The following ALDH9A1 variants were observed in gnomAD, a reference collection of about 807,000 sequenced individuals.
The protein encoded by ALDH9A1 is 4-trimethylaminobutyraldehyde dehydrogenase.
In ALDH9A1, 42 loss-of-function variants were observed where a neutral mutation model predicts 56.6. That is an observed-to-expected ratio of 0.74 (90% CI 0.58 to 0.96). The LOEUF is 0.96. Ranked by LOEUF, ALDH9A1 falls within the 40% of genes least tolerant of loss-of-function variation. The pLI is 0.00. For synonymous variants in ALDH9A1, 242 were observed against 236.0 expected, an observed-to-expected ratio of 1.03 and a Z score of -0.23; for missense variants, 661 against 651.5, an observed-to-expected ratio of 1.01 and a Z score of -0.16.
intron 2 of ALDH9A1, among the ~76,000 whole-genome samples, chr1:165,693,961 A>G (rs1431840324): frequency 3.9e-5 from 6 of 151,900 alleles, no homozygotes; most frequent in Non-Finnish European, 1.5e-5. Flanking sequence ...AAACTATCAC[A>G]AGGACAGAAA....
chr1:165,681,443 T>C (rs1472516558), intron 4 of ALDH9A1, among the ~76,000 whole-genome samples: 2 of 152,212 alleles, frequency 1.3e-5, no homozygotes, highest in Non-Finnish European at 2.9e-5. Flanking sequence ...TGACTATTTT[T>C]CCTCTTTCAC....
chr1:165,682,978 T>C lies in ALDH9A1; in HGVS notation c.457+3A>G, dbSNP rs543765703. 6 of 1,613,662 alleles carry C rather than the reference T, an allele frequency of 3.7e-6. No homozygotes were observed. The East Asian group carries it at 6.7e-5, about 18-fold the overall frequency. The stretch of plus-strand genomic sequence containing the variant: ...TGGTCACAGACACCAGGTGAGGACT[T>C]ACCAGCCATGGATGCAGCCAAGCCC... On this transcript the variant is annotated splice_donor_region_variant and intron_variant, in intron 3 of 10. Coordinates refer to ENST00000354775, the MANE Select transcript of ALDH9A1 (RefSeq NM_000696.4).
At chr1:165,681,961 T>C (rs1649564239) in intron 4 of ALDH9A1, 146 bp downstream of exon 4, 8 of 1,088,244 alleles carry the variant, frequency 7.4e-6, no homozygotes, top group South Asian at 3.3e-5. Flanking sequence ...GAACGAGCCA[T>C]GTCCTCTGAG....
Position 165,698,386 on chromosome 1 carries a change from G to GAGAAA in ALDH9A1, c.172_173insTTTCT (p.Pro58LeufsTer8). On this transcript the variant is annotated frameshift_variant, in exon 1 of 11. Coordinates refer to ENST00000354775, the MANE Select transcript of ALDH9A1 (RefSeq NM_000696.4). LOFTEE classifies it high-confidence loss of function. ...CGGCTCGTTGCAGTTACCGGTTGCTGGCTCGAAAGCTTTCTCGGTACCGGA... is the reference window on the plus strand; with the variant it reads ...CGGCTCGTTGCAGTTACCGGTTGCTGAGAAAGCTCGAAAGCTTTCTCGGTACCGGA... The GAGAAA allele has an allele frequency of 6.3e-7, 1 of 1,591,760 alleles. No individual in the cohort carries two copies. Among genetic ancestry groups the GAGAAA allele is most frequent in the Admixed American group, 1.8e-5 (1 of 54,362 alleles).
Position 165,663,046 on chromosome 1 carries a change from G to C in ALDH9A1, c.*4C>G, listed in dbSNP as rs757168543. ...GCCATGTCAATAGGTTTCACTGCAG[G>C]TTTTCAAAAAGCAGATTCCACATCA... On this transcript the variant is annotated 3_prime_UTR_variant, in exon 11 of 11. Coordinates refer to ENST00000354775, the MANE Select transcript of ALDH9A1 (RefSeq NM_000696.4). 16 of 1,613,502 alleles carry C rather than the reference G, an allele frequency of 9.9e-6. No homozygotes were observed. The highest frequency in any genetic ancestry group is 1.4e-5 in the Non-Finnish European group (16 of 1,179,508).
At position 165,671,637 on chromosome 1, in the gene ALDH9A1, G is replaced by A. The variant is rs118068732; in HGVS notation, c.931-2187C>T. ...TTCTGTCTGATTCTGATAGAGAGCCGGATTCACTGTTTGGCTCGATATTAT... is the reference window on the plus strand; with the variant it reads ...TTCTGTCTGATTCTGATAGAGAGCCAGATTCACTGTTTGGCTCGATATTAT... On this transcript the variant is annotated intron_variant, in intron 6 of 10. Coordinates refer to ENST00000354775, the MANE Select transcript of ALDH9A1 (RefSeq NM_000696.4). The A allele has an allele frequency of 6.7e-4, 327 of 484,594 alleles. 4 individuals are homozygous for A. In the East Asian group the frequency reaches 0.01, roughly 15 times the overall value. The allele number at this position is 484,594 out of a possible 1,614,324, so 30.0% of individuals were successfully genotyped here. A position where few individuals can be genotyped will look rare whatever the true frequency, so the allele number is the denominator to read the frequency against.
At chr1:165,687,253 T>C (rs535306857) in intron 2 of ALDH9A1, among the ~76,000 whole-genome samples, 1 of 151,456 alleles carries the variant, frequency 6.6e-6, no homozygotes, top group East Asian at 1.9e-4. Context: ...CCAATATATG[T>C]GTAATTGGAG....
intron 1 of ALDH9A1, 89 bp downstream of exon 1, chr1:165,698,289 C>G: frequency 6.7e-7 from 1 of 1,494,688 alleles, no homozygotes; most frequent in Non-Finnish European, 8.9e-7. Context: ...CTCAAGTCAA[C>G]GCTGCAGAAC....
rs754076098 is a variant in ALDH9A1 at position 165,675,377 on chromosome 1, CAT to C, written c.930+4063_930+4064del. Among the ~76,000 whole-genome samples, 759 of 151,930 alleles carry C rather than the reference CAT, an allele frequency of 5.0e-3. 6 individuals carry two copies. Among genetic ancestry groups the C allele is most frequent in the African/African-American group, 0.017 (721 of 41,412 alleles). ...GTGTGTATATTCATCCACACACACACATAGCAAAGAAAGCAAAGTACAAAAGA... is the reference window on the plus strand; with the variant it reads ...GTGTGTATATTCATCCACACACACACAGCAAAGAAAGCAAAGTACAAAAGA... On this transcript the variant is annotated intron_variant, in intron 6 of 10. Coordinates refer to ENST00000354775, the MANE Select transcript of ALDH9A1 (RefSeq NM_000696.4).
At chr1:165,668,271 G>A (rs191727371) in intron 8 of ALDH9A1, among the ~76,000 whole-genome samples, 243 of 152,310 alleles carry the variant, frequency 1.6e-3, no homozygotes, top group Middle Eastern at 3.4e-3. Flanking sequence ...AGTGGGAGGT[G>A]TTTGGGTCAC....
intron 2 of ALDH9A1, among the ~76,000 whole-genome samples, chr1:165,684,248 G>A (rs1428391274): frequency 6.6e-6 from 1 of 152,176 alleles, no homozygotes; most frequent in Non-Finnish European, 1.5e-5. Context: ...TATCAGTCCT[G>A]TCTACCCCTT....
At position 165,669,306 on chromosome 1, in the gene ALDH9A1, G is replaced by A; in HGVS notation, c.1075C>T (p.His359Tyr). Reference sequence around the variant, plus strand: ...ACAAACCCAAGGACTCGCTCCAGGTGTGGTCGGTTGATGAGTGGACCCATC... The same window carrying A: ...ACAAACCCAAGGACTCGCTCCAGGTATGGTCGGTTGATGAGTGGACCCATC... The part of the protein sequence containing the change: ...TRMGPLINRP[H>Y]LERVLGFVKV... Residue 359 changes from histidine (H) to tyrosine (Y), a missense_variant, in exon 7 of 11, where the codon CAC becomes TAC. Coordinates refer to ENST00000354775, the MANE Select transcript of ALDH9A1 (RefSeq NM_000696.4). 6.2e-7 allele frequency: 1 copy of A among 1,613,374 alleles called. No homozygotes were observed. Among genetic ancestry groups the A allele is most frequent in the South Asian group, 1.1e-5 (1 of 90,880 alleles).
At chr1:165,694,389 T>C (rs1649996456) in intron 2 of ALDH9A1, among the ~76,000 whole-genome samples, 1 of 152,216 alleles carries the variant, frequency 6.6e-6, no homozygotes, top group South Asian at 2.1e-4. Flanking sequence ...CAGAAACCCT[T>C]TGCATTGCAG....
chr1:165,663,113 G>T lies in ALDH9A1; in HGVS notation c.1494C>A (p.Ile498=). Residue 498 remains isoleucine (I), a synonymous_variant, in exon 11 of 11, where the codon ATC becomes ATA. Coordinates refer to ENST00000354775, the MANE Select transcript of ALDH9A1 (RefSeq NM_000696.4). The part of the protein sequence containing the change: ...GFGRENGRVT[I]EYYSQLKTVC... ...CAGTCTTCAGCTGTGAATAATATTCGATTGTCACACGGCCGTTCTCTCTGC... is the reference window on the plus strand; with the variant it reads ...CAGTCTTCAGCTGTGAATAATATTCTATTGTCACACGGCCGTTCTCTCTGC... 1.2e-6 allele frequency: 2 copies of T among 1,613,996 alleles called. No individual in the cohort carries two copies. The highest frequency in any genetic ancestry group is 1.1e-5 in the South Asian group (1 of 91,076).
chr1:165,671,922 C>T (rs1026116808), intron 6 of ALDH9A1, among the ~76,000 whole-genome samples: 1 of 152,106 alleles, frequency 6.6e-6, no homozygotes, highest in African/African-American at 2.4e-5. Context: ...AATAGGATGA[C>T]TATTATCAAA....
chr1:165,685,218 G>T (rs979121727), intron 2 of ALDH9A1, among the ~76,000 whole-genome samples: 9 of 152,136 alleles, frequency 5.9e-5, no homozygotes, highest in African/African-American at 2.2e-4. Flanking sequence ...TTTACAATAT[G>T]ACTTGACCAG....
Position 165,682,117 on chromosome 1 carries a change from T to G in ALDH9A1, c.582A>C (p.Ala194=). 1 of 1,614,110 alleles carries G rather than the reference T, an allele frequency of 6.2e-7. No individual in the cohort carries two copies. The highest frequency in any genetic ancestry group is 8.5e-7 in the Non-Finnish European group (1 of 1,179,958). The change falls in exon 4 of 11, where the codon GCA becomes GCC. Residue 194 remains alanine, a synonymous_variant. Coordinates refer to ENST00000354775, the MANE Select transcript of ALDH9A1 (RefSeq NM_000696.4). ...ATAATTCATTCTTACCACAGGCTAA[T>G]GCTGGAGCCGACTTCCAAGAGGCAA... The part of the protein sequence containing the change: ...FQIASWKSAP[A]LACGNAMVFK...
Position 165,662,949 on chromosome 1 carries a change from T to C in ALDH9A1, c.*101A>G. On this transcript the variant is annotated 3_prime_UTR_variant, in exon 11 of 11. Coordinates refer to ENST00000354775, the MANE Select transcript of ALDH9A1 (RefSeq NM_000696.4). ...CATTCTCTTATACTGAACGCCAAAA[T>C]TCTGGATGTAAAATAACATTCAGTT... 1 of 1,073,892 alleles carries C rather than the reference T, an allele frequency of 9.3e-7. No individual in the cohort carries two copies. The highest frequency in any genetic ancestry group is 1.4e-6 in the Non-Finnish European group (1 of 698,320). The allele number at this position is 1,073,892 out of a possible 1,614,324, so 66.5% of individuals were successfully genotyped here. A position where few individuals can be genotyped will look rare whatever the true frequency, so the allele number is the denominator to read the frequency against.
At chr1:165,677,821 G>A (rs927984197) in intron 6 of ALDH9A1, among the ~76,000 whole-genome samples, 40 of 137,538 alleles carry the variant, frequency 2.9e-4, no homozygotes, top group African/African-American at 9.5e-4. Context: ...TCGCACCACT[G>A]TACTCCAGCC....
Sources: allele counts gnomAD v4.1 joint callset (sites outside exome capture counted in the v4.1 genomes callset), GRCh38; gene constraint gnomAD v4.1.1; transcripts MANE v1.5; gene names NCBI Gene and HGNC (gene_info 2026-07-23, HGNC 2026-07-21).